Variants in SNX29 observed in about 807,000 individuals in gnomAD.
SNX29 encodes sorting nexin-29.
Under a neutral mutation model 102.1 loss-of-function variants are expected in SNX29, and 78 were observed. The observed-to-expected ratio is 0.76, with a 90% CI of 0.64 to 0.92. The LOEUF (loss-of-function observed/expected upper bound fraction) is 0.92, where lower values mean the gene tolerates loss of function less well. SNX29 is among the 40% of genes least tolerant of loss of function. The probability of loss-of-function intolerance (pLI) is 0.00; values close to 1 mark genes in which losing one functional copy is unlikely to be tolerated. For missense variants in SNX29, 1,280 were observed against 1,061.7 expected (o/e 1.21, Z -2.86); for synonymous variants, 580 against 414.5 (o/e 1.40, Z -4.85).
chr16:12,360,380 C>A (rs1265424519), intron 16 of SNX29, among the ~76,000 whole-genome samples: 2 of 152,086 alleles, frequency 1.3e-5, no homozygotes, highest in African/African-American at 4.8e-5. Context: ...TGTAGGTTTT[C>A]CCAGTTAGGA....
At chr16:12,306,984 A>T (rs1252008469) in intron 15 of SNX29, among the ~76,000 whole-genome samples, 1 of 152,168 alleles carries the variant, frequency 6.6e-6, no homozygotes, top group East Asian at 1.9e-4. Context: ...TGAGGGAAGT[A>T]GAGTCATCCT....
chr16:12,415,580 A>C (rs905466359), intron 18 of SNX29, among the ~76,000 whole-genome samples: 1 of 152,208 alleles, frequency 6.6e-6, no homozygotes, highest in Admixed American at 6.5e-5. Context: ...GGGGTCCTGC[A>C]CTATGCCAGG....
At chr16:12,001,371 C>T (rs2151019946) in intron 2 of SNX29, among the ~76,000 whole-genome samples, 1 of 152,268 alleles carries the variant, frequency 6.6e-6, no homozygotes, top group African/African-American at 2.4e-5. Flanking sequence ...ACTCGGCCGT[C>T]CTAACTGCTG....
intron 16 of SNX29, among the ~76,000 whole-genome samples, chr16:12,369,471 G>C (rs990814695): frequency 2.0e-5 from 3 of 152,150 alleles, no homozygotes; most frequent in Non-Finnish European, 4.4e-5. Flanking sequence ...CATGAGCATG[G>C]GAAAGGGGTT....
At position 12,067,556 on chromosome 16, in the gene SNX29, C is replaced by G. The variant is rs1351999557; in HGVS notation, c.1244-1501C>G. On this transcript the variant is annotated intron_variant, in intron 9 of 20. Transcript: ENST00000566228. ...AGGCTGGAGTGCAGTGACGTAATCT[C>G]AGCTCACTGCAACCTCCACCTTCTG... Among the ~76,000 whole-genome samples the G allele has an allele frequency of 2.0e-5, 3 of 152,234 alleles. No individual in the cohort carries two copies. The East Asian group carries it at 5.8e-4, about 29-fold the overall frequency.
intron 15 of SNX29, among the ~76,000 whole-genome samples, chr16:12,294,600 C>T (rs780305456): frequency 6.6e-6 from 1 of 152,176 alleles, no homozygotes; most frequent in Non-Finnish European, 1.5e-5. Context: ...TCCCTGTTAG[C>T]TGGTCCCGCC....
At chr16:12,228,427 C>G (rs537790568) in intron 14 of SNX29, among the ~76,000 whole-genome samples, 18 of 152,372 alleles carry the variant, frequency 1.2e-4, no homozygotes, top group African/African-American at 4.3e-4. Context: ...TACCTTGCCT[C>G]CAGCACAGTC....
intron 16 of SNX29, among the ~76,000 whole-genome samples, chr16:12,362,325 A>T (rs2082323615): frequency 6.6e-6 from 1 of 152,222 alleles, no homozygotes; most frequent in African/African-American, 2.4e-5. Flanking sequence ...GCTCAGTTAG[A>T]CTGGGTGAAA....
chr16:12,120,973 C>T (rs1275609157), intron 11 of SNX29, among the ~76,000 whole-genome samples: 3 of 152,206 alleles, frequency 2.0e-5, no homozygotes, highest in East Asian at 1.9e-4. Context: ...TTATGATTAA[C>T]GTGGTTGACG....
chr16:12,318,601 G>A (rs901549509), intron 15 of SNX29, among the ~76,000 whole-genome samples: 2 of 152,160 alleles, frequency 1.3e-5, no homozygotes, highest in Non-Finnish European at 2.9e-5. Context: ...GGCTGGACGC[G>A]GTGGCTTATG....
intron 11 of SNX29, among the ~76,000 whole-genome samples, chr16:12,095,980 G>A (rs1226835276): frequency 6.6e-6 from 1 of 152,240 alleles, no homozygotes; most frequent in Non-Finnish European, 1.5e-5. Flanking sequence ...CTCCAGAAAT[G>A]AAGTTGAGGA....
At chr16:12,487,638 A>G (rs975311847) in intron 19 of SNX29, among the ~76,000 whole-genome samples, 1 of 152,164 alleles carries the variant, frequency 6.6e-6, no homozygotes. Flanking sequence ...CACCTACTAC[A>G]GGTTTCAGCC....
chr16:12,441,076 C>T (rs949711344), intron 18 of SNX29, among the ~76,000 whole-genome samples: 6 of 147,234 alleles, frequency 4.1e-5, no homozygotes, highest in East Asian at 4.0e-4. Flanking sequence ...TAGCATGCAT[C>T]GCTACTTCAT....
intron 11 of SNX29, among the ~76,000 whole-genome samples, chr16:12,099,331 C>T (rs2052908852): frequency 6.6e-6 from 1 of 152,146 alleles, no homozygotes; most frequent in South Asian, 2.1e-4. Context: ...TCTTCTCGAA[C>T]CTCCCATCTC....
At chr16:12,183,260 C>G (rs2076433567) in intron 13 of SNX29, among the ~76,000 whole-genome samples, 1 of 152,194 alleles carries the variant, frequency 6.6e-6, no homozygotes. Context: ...CTTAGCCTCC[C>G]AAAGTGCTGA....
chr16:12,354,867 A>C (rs895522375), intron 15 of SNX29, among the ~76,000 whole-genome samples: 1 of 152,244 alleles, frequency 6.6e-6, no homozygotes, highest in Non-Finnish European at 1.5e-5. Flanking sequence ...AGAAAGGCTC[A>C]GTGACTTATT....
At chr16:12,553,131 T>C (rs1192996768) in intron 20 of SNX29, among the ~76,000 whole-genome samples, 2 of 152,200 alleles carry the variant, frequency 1.3e-5, no homozygotes, top group African/African-American at 4.8e-5. Context: ...GCCTTGGGCT[T>C]CTGGCTCACA....
chr16:12,560,980 G>T, intron 20 of SNX29: 1 of 214,152 alleles, frequency 4.7e-6, no homozygotes, highest in Non-Finnish European at 9.4e-6. Context: ...GGAACCCTTG[G>T]GTACTGCCAG....
chr16:12,563,224 A>C (rs184122430), intron 20 of SNX29, among the ~76,000 whole-genome samples: 1 of 152,074 alleles, frequency 6.6e-6, no homozygotes, highest in Non-Finnish European at 1.5e-5. Flanking sequence ...TCATACCCTG[A>C]AAGTGGCCTC....
Sources: allele counts gnomAD v4.1 joint callset (sites outside exome capture counted in the v4.1 genomes callset), GRCh38; gene constraint gnomAD v4.1.1; transcripts MANE v1.5; gene names NCBI Gene and HGNC (gene_info 2026-07-23, HGNC 2026-07-21).